Variants in DIP2C observed in about 807,000 individuals in gnomAD.
DIP2C encodes disco-interacting protein 2 homolog C.
A neutral mutation model predicts 192.4 loss-of-function variants in DIP2C; 33 were observed. The observed-to-expected ratio is 0.17, with a 90% CI of 0.13 to 0.23. The LOEUF (loss-of-function observed/expected upper bound fraction) is 0.23, where lower values mean the gene tolerates loss of function less well. Among genes scored for constraint, DIP2C ranks in the 10% least tolerant of loss-of-function variants. DIP2C has a pLI of 1.00. For synonymous variants in DIP2C, 979 were observed against 864.1 expected, an observed-to-expected ratio of 1.13 and a Z score of -2.33; for missense variants, 1,537 against 2,110.1, an observed-to-expected ratio of 0.73 and a Z score of 5.32.
chr10:433,722 T>C (rs1289610149), intron 4 of DIP2C, among the ~76,000 whole-genome samples: 1 of 152,162 alleles, frequency 6.6e-6, no homozygotes, highest in East Asian at 1.9e-4. Flanking sequence ...CATTTATATC[T>C]TTTTCTATCC....
At chr10:343,858 C>T (rs1348816684) in intron 28 of DIP2C, among the ~76,000 whole-genome samples, 1 of 152,158 alleles carries the variant, frequency 6.6e-6, no homozygotes, top group Non-Finnish European at 1.5e-5. Context: ...TGGAGATGAA[C>T]CGAAGAGTAA....
chr10:370,836 TA>T (rs1347249998), intron 17 of DIP2C, among the ~76,000 whole-genome samples: 1 of 152,156 alleles, frequency 6.6e-6, no homozygotes, highest in Non-Finnish European at 1.5e-5. Flanking sequence ...ACTGAAGACA[TA>T]AATGGGGAAA....
intron 4 of DIP2C, among the ~76,000 whole-genome samples, chr10:429,219 T>C (rs1175518408): frequency 5.6e-5 from 4 of 70,824 alleles, no homozygotes; most frequent in African/African-American, 1.8e-4. Flanking sequence ...CCCCGGACCC[T>C]GGCTGCCTCC....
chr10:530,653 T>TAAAAAA lies in DIP2C; in HGVS notation c.86-44129_86-44124dup, dbSNP rs59344971. Reference sequence around the variant, plus strand: ...GGCAATACAGCAAGACCCTATCTCTTAAAAAAAAAAAAAAAAAAAAAGACT... The same window carrying TAAAAAA: ...GGCAATACAGCAAGACCCTATCTCTTAAAAAAAAAAAAAAAAAAAAAAAAAAAGACT... On this transcript the variant is annotated intron_variant, in intron 1 of 36. Transcript: ENST00000280886. Among the ~76,000 whole-genome samples the TAAAAAA allele has an allele frequency of 4.2e-4, 45 of 106,080 alleles. 1 individual carries two copies. Among genetic ancestry groups the TAAAAAA allele is most frequent in the African/African-American group, 7.8e-4 (22 of 28,356 alleles). 69.6% of individuals were successfully genotyped at this position (106,080 alleles called of 152,430 possible).
At chr10:442,892 T>TA (rs971408413) in intron 3 of DIP2C, among the ~76,000 whole-genome samples, 3 of 152,246 alleles carry the variant, frequency 2.0e-5, no homozygotes, top group African/African-American at 7.2e-5. Context: ...GAATTGCATT[T>TA]ATTTGTCAAG....
Position 382,696 on chromosome 10 carries a change from T to C in DIP2C, c.1942A>G (p.Ile648Val). Reference sequence around the variant, plus strand: ...TCTGGCGAGCTGGCACAAGGACAGATGACCTCCTGTCGAAGGCCTTTACTT... The same window carrying C: ...TCTGGCGAGCTGGCACAAGGACAGACGACCTCCTGTCGAAGGCCTTTACTT... ...FQSKGLRQEV[I>V]CPCASSPEAL... is the part of the protein sequence containing the mutation. Residue 648 changes from isoleucine (I) to valine (V), a missense_variant, in exon 17 of 37, where the codon ATC becomes GTC. By Grantham distance (29) the Ile-to-Val change is conservative. Coordinates refer to ENST00000280886, the MANE Select transcript of DIP2C (RefSeq NM_014974.3). 2 of 1,614,034 alleles carry C rather than the reference T, an allele frequency of 1.2e-6. No homozygotes were observed. Among genetic ancestry groups the C allele is most frequent in the South Asian group, 1.1e-5 (1 of 90,996 alleles).
intron 1 of DIP2C, among the ~76,000 whole-genome samples, chr10:571,166 G>A (rs534374504): frequency 8.5e-5 from 13 of 152,314 alleles, no homozygotes; most frequent in African/African-American, 2.4e-4. Flanking sequence ...CAGCTAAACC[G>A]GGAAAAATCC....
At chr10:317,543 CTGAG>C (rs1956827820) in intron 31 of DIP2C, among the ~76,000 whole-genome samples, 1 of 151,616 alleles carries the variant, frequency 6.6e-6, no homozygotes, top group Non-Finnish European at 1.5e-5. Context: ...GTTGAACTTA[CTGAG>C]TGAATGATGA....
At chr10:296,588 C>T (rs560106320) in intron 32 of DIP2C, among the ~76,000 whole-genome samples, 17 of 152,204 alleles carry the variant, frequency 1.1e-4, no homozygotes, top group Admixed American at 7.8e-4. Flanking sequence ...CACATCCACA[C>T]GTATGTTCAT....
At chr10:289,460 A>T (rs1955362377) in intron 32 of DIP2C, among the ~76,000 whole-genome samples, 1 of 151,996 alleles carries the variant, frequency 6.6e-6, no homozygotes, top group African/African-American at 2.4e-5. Context: ...TAGAGAGGAG[A>T]TCTCACTATG....
At chr10:533,831 G>C (rs1392639663) in intron 1 of DIP2C, among the ~76,000 whole-genome samples, 1 of 152,020 alleles carries the variant, frequency 6.6e-6, no homozygotes, top group African/African-American at 2.4e-5. Flanking sequence ...ACCCTCCTGA[G>C]GCCGTCTTGA....
intron 1 of DIP2C, among the ~76,000 whole-genome samples, chr10:544,555 G>A (rs1458060691): frequency 1.3e-5 from 2 of 152,086 alleles, no homozygotes; most frequent in African/African-American, 2.4e-5. Context: ...CCTCCCACTA[G>A]CAATATATAC....
chr10:532,548 A>AGT (rs1422700847), intron 1 of DIP2C, among the ~76,000 whole-genome samples: 2 of 141,940 alleles, frequency 1.4e-5, no homozygotes, highest in African/African-American at 2.6e-5. Flanking sequence ...TGGGTGTGAG[A>AGT]GAGTATGGGT....
intron 29 of DIP2C, among the ~76,000 whole-genome samples, chr10:337,047 C>CGGG (rs1957828209): frequency 2.5e-4 from 2 of 7,852 alleles, no homozygotes; most frequent in African/African-American, 5.2e-4. Flanking sequence ...GAGGCCTAGA[C>CGGG]TGGTGTGTGT....
At position 630,955 on chromosome 10, in the gene DIP2C, G is replaced by A. The variant is rs4881496; in HGVS notation, c.85+58539C>T. 3.4e-3 allele frequency: 514 copies of A among 152,410 alleles called. 3 individuals carry two copies. The highest frequency in any genetic ancestry group is 0.024 in the East Asian group (126 of 5,178). The allele number at this position is 152,410 out of a possible 1,614,324, so 9.4% of individuals were successfully genotyped here. On this transcript the variant is annotated intron_variant, in intron 1 of 36. Coordinates refer to ENST00000280886, the MANE Select transcript of DIP2C (RefSeq NM_014974.3). ...GTGGCGTGCAGACAGTGGCTTCTCC[G>A]CAAGAGCTCCTGGCTCTCAGGGAGC...
intron 1 of DIP2C, among the ~76,000 whole-genome samples, chr10:659,770 C>G (rs1856643382): frequency 6.6e-6 from 1 of 152,222 alleles, no homozygotes; most frequent in Admixed American, 6.5e-5. Context: ...GCCACTTATT[C>G]AATCCCACTT....
chr10:502,768 GCA>G (rs1292684009), intron 1 of DIP2C, among the ~76,000 whole-genome samples: 8 of 152,204 alleles, frequency 5.3e-5, no homozygotes, highest in African/African-American at 1.7e-4. Flanking sequence ...ATTTAACAAA[GCA>G]CACAGAGGAT....
intron 20 of DIP2C, 148 bp downstream of exon 20, chr10:364,226 G>A: frequency 7.2e-6 from 6 of 838,056 alleles, no homozygotes; most frequent in Non-Finnish European, 1.1e-5. Flanking sequence ...AAATCTCAGA[G>A]GTCAGAGTCC....
chr10:420,724 T>C (rs185950082), intron 5 of DIP2C, among the ~76,000 whole-genome samples: 18 of 152,324 alleles, frequency 1.2e-4, no homozygotes, highest in Admixed American at 9.8e-4. Context: ...ATTAAATTGG[T>C]GGAAAAAATC....
Sources: allele counts gnomAD v4.1 joint callset (sites outside exome capture counted in the v4.1 genomes callset), GRCh38; gene constraint gnomAD v4.1.1; transcripts MANE v1.5; gene names NCBI Gene and HGNC (gene_info 2026-07-23, HGNC 2026-07-21).